SLIT3: variants seen among roughly 807,000 people sequenced by gnomAD.
The protein encoded by SLIT3 is slit guidance ligand 3.
In SLIT3, 68 loss-of-function variants were observed where a neutral mutation model predicts 184.0. The observed-to-expected ratio is 0.37, with a 90% CI of 0.30 to 0.45. SLIT3 has a LOEUF of 0.45. SLIT3 is among the 20% of genes least tolerant of loss of function. The probability of loss-of-function intolerance (pLI) is 1.00; values close to 1 mark genes in which losing one functional copy is unlikely to be tolerated. For synonymous variants in SLIT3, 831 were observed against 828.6 expected, an observed-to-expected ratio of 1.00 and a Z score of -0.05; for missense variants, 1,707 against 2,026.0, an observed-to-expected ratio of 0.84 and a Z score of 3.02.
At chr5:168,873,466 C>CA (rs35719669) in intron 5 of SLIT3, among the ~76,000 whole-genome samples, 2,127 of 129,846 alleles carry the variant, frequency 0.016, 29 homozygotes, top group Admixed American at 0.038. Context: ...CCTGTCTCTA[C>CA]AAAAAAAAAA....
intron 16 of SLIT3, among the ~76,000 whole-genome samples, chr5:168,759,179 A>T (rs1466162637): frequency 6.6e-6 from 1 of 152,210 alleles, no homozygotes; most frequent in Admixed American, 6.5e-5. Flanking sequence ...CAGTACTCAC[A>T]GTAGTTATGT....
At position 169,263,021 on chromosome 5, in the gene SLIT3, T is replaced by A. The variant is rs546528740; in HGVS notation, c.198-11562A>T. Among the ~76,000 whole-genome samples the A allele has an allele frequency of 5.9e-5, 9 of 152,302 alleles. 1 individual carries two copies. The South Asian group carries it at 1.7e-3, about 28-fold the overall frequency. ...TTGAGGTCATTAGGGTGGACCCTAA[T>A]CCAATAGGACTGGTGTCCTTATTAG... On this transcript the variant is annotated intron_variant, in intron 1 of 35. Transcript: ENST00000519560.
In SLIT3 at chr5:169,291,045, CAG is replaced by C. The variant is rs369521718; in HGVS notation, c.197+9466_197+9467del. On this transcript the variant is annotated intron_variant, in intron 1 of 35. Transcript: ENST00000519560. The stretch of plus-strand genomic sequence containing the variant: ...ACTGCTGCCAAAGTGCGGAATGAAT[CAG>C]GGGTCAGGAACCAGATTGGCAGTTA... Among the ~76,000 whole-genome samples, 24 of 152,238 alleles carry C rather than the reference CAG, an allele frequency of 1.6e-4. No individual in the cohort carries two copies. In the East Asian group the frequency reaches 4.1e-3, roughly 26 times the overall value.
intron 4 of SLIT3, among the ~76,000 whole-genome samples, chr5:169,048,041 G>A (rs746202925): frequency 6.6e-6 from 1 of 152,184 alleles, no homozygotes; most frequent in Non-Finnish European, 1.5e-5. Flanking sequence ...GTCAAACTCT[G>A]CTCTGTCACT....
intron 4 of SLIT3, among the ~76,000 whole-genome samples, chr5:168,940,310 C>T (rs907076170): frequency 6.6e-6 from 1 of 152,092 alleles, no homozygotes; most frequent in Non-Finnish European, 1.5e-5. Context: ...TATTGAATGC[C>T]AGATGTCACT....
chr5:169,194,379 T>C (rs762224652), intron 3 of SLIT3, among the ~76,000 whole-genome samples: 6 of 152,132 alleles, frequency 3.9e-5, no homozygotes, highest in Non-Finnish European at 5.9e-5. Context: ...GCAGATCACC[T>C]TGGACTGAGG....
intron 4 of SLIT3, among the ~76,000 whole-genome samples, chr5:168,911,375 G>C (rs1046660955): frequency 1.3e-5 from 2 of 152,150 alleles, no homozygotes; most frequent in African/African-American, 4.8e-5. Context: ...ACACACAAGA[G>C]AACAACTGCA....
chr5:169,230,938 A>G (rs1384038083), intron 3 of SLIT3, among the ~76,000 whole-genome samples: 1 of 152,184 alleles, frequency 6.6e-6, no homozygotes, highest in African/African-American at 2.4e-5. Flanking sequence ...TATATCCACC[A>G]CTTAGATTCA....
At chr5:169,246,563 C>A (rs920381747) in intron 2 of SLIT3, among the ~76,000 whole-genome samples, 2 of 152,084 alleles carry the variant, frequency 1.3e-5, no homozygotes, top group African/African-American at 4.8e-5. Context: ...AAAGTTCTTA[C>A]GAGAACAAAA....
intron 3 of SLIT3, among the ~76,000 whole-genome samples, chr5:169,225,308 G>A (rs1764764651): frequency 6.6e-6 from 1 of 152,194 alleles, no homozygotes; most frequent in African/African-American, 2.4e-5. Flanking sequence ...AGAGCAGGCT[G>A]AAGAATAACC....
intron 1 of SLIT3, among the ~76,000 whole-genome samples, chr5:169,277,103 A>G (rs764695070): frequency 2.6e-5 from 4 of 151,938 alleles, no homozygotes; most frequent in Non-Finnish European, 5.9e-5. Context: ...CCTTTAATCT[A>G]CTTTATGTCT....
intron 1 of SLIT3, 65 bp from the exon 2 acceptor site, chr5:169,251,524 A>G (rs1765774420): frequency 3.8e-6 from 4 of 1,047,584 alleles, no homozygotes; most frequent in South Asian, 3.8e-5. Context: ...TTTAATCCAG[A>G]CTGGCTTGGA....
At chr5:169,244,629 AAAAAC>A (rs757376022) in intron 3 of SLIT3, 71 bp downstream of exon 3, 248 of 1,397,294 alleles carry the variant, frequency 1.8e-4, no homozygotes, top group Middle Eastern at 7.1e-4. Context: ...GCCAATTTAC[AAAAAC>A]AAAACAAAAC....
chr5:169,260,474 C>T (rs1431039244), intron 1 of SLIT3, among the ~76,000 whole-genome samples: 1 of 152,192 alleles, frequency 6.6e-6, no homozygotes, highest in East Asian at 1.9e-4. Flanking sequence ...AGCTCACCCA[C>T]GTTAGCTAGT....
intron 4 of SLIT3, among the ~76,000 whole-genome samples, chr5:168,965,072 T>A (rs1763140281): frequency 6.6e-6 from 1 of 152,162 alleles, no homozygotes. Flanking sequence ...CCTGGGCACC[T>A]TGCTTGTCTC....
chr5:168,807,222 A>G (rs1386109923), intron 8 of SLIT3, among the ~76,000 whole-genome samples: 2 of 152,220 alleles, frequency 1.3e-5, no homozygotes, highest in Non-Finnish European at 2.9e-5. Context: ...GGTGAGAATC[A>G]GTGTGAATTT....
At chr5:169,078,047 C>A (rs1185901648) in intron 4 of SLIT3, among the ~76,000 whole-genome samples, 1 of 152,074 alleles carries the variant, frequency 6.6e-6, no homozygotes, top group Non-Finnish European at 1.5e-5. Flanking sequence ...TCCTAGGAAA[C>A]CTTGCTTTAC....
At chr5:169,254,305 G>A (rs7716873) in intron 1 of SLIT3, among the ~76,000 whole-genome samples, 35,011 of 151,976 alleles carry the variant, frequency 0.23, 4,888 homozygotes, top group Middle Eastern at 0.34. Context: ...CCCGGCCCAG[G>A]CTCCTCCAGA....
intron 4 of SLIT3, among the ~76,000 whole-genome samples, chr5:169,058,093 G>A (rs563579940): frequency 5.2e-4 from 79 of 152,340 alleles, no homozygotes; most frequent in African/African-American, 1.4e-3. Flanking sequence ...TGAGACGAGC[G>A]CTATTGCAGA....
Sources: gnomAD v4.1 joint callset for allele counts (sites outside exome capture counted in the v4.1 genomes callset) on GRCh38, gnomAD v4.1.1 for gene constraint, MANE v1.5 for transcripts, NCBI Gene and HGNC (gene_info 2026-07-23, HGNC 2026-07-21) for gene names.